The following DCX variants were observed in gnomAD, a reference collection of about 807,000 sequenced individuals.
DCX encodes neuronal migration protein doublecortin.
Under a neutral mutation model 20.9 loss-of-function variants are expected in DCX, and 4 were observed. The observed-to-expected ratio is 0.19, with a 90% CI of 0.09 to 0.44. DCX has a LOEUF of 0.44. Among genes scored for constraint, DCX ranks in the 20% least tolerant of loss-of-function variants. The pLI, the probability that DCX is intolerant of heterozygous loss-of-function variation, is 0.99. For synonymous variants in DCX, 103 were observed against 111.4 expected (o/e 0.92, Z 0.47); for missense variants, 133 against 296.9 (o/e 0.45, Z 4.06).
intron 3 of DCX, among the ~76,000 whole-genome samples, chrX:111,336,087 C>T (rs1921706415): frequency 8.9e-6 from 1 of 112,214 alleles, no homozygotes. Flanking sequence ...GCAAAGTCAC[C>T]AGAGCATTCA....
rs2095026405 is a variant in DCX, at chrX:111,298,452, A to T, written c.*3235T>A. On this transcript the variant is annotated 3_prime_UTR_variant, in exon 7 of 7. Coordinates refer to ENST00000636035, the MANE Select transcript of DCX (RefSeq NM_001195553.2). ...TTCCCACTGAGATCAGGGCAGCAGCATGTGGCTCCAAGATGCAACATGACC... is the reference window on the plus strand; with the variant it reads ...TTCCCACTGAGATCAGGGCAGCAGCTTGTGGCTCCAAGATGCAACATGACC... 1 of 112,025 alleles carries T rather than the reference A, an allele frequency of 8.9e-6. No homozygotes were observed. The highest frequency in any genetic ancestry group is 1.9e-5 in the Non-Finnish European group (1 of 53,163). The allele number at this position is 112,025 out of a possible 1,213,427, so 9.2% of individuals were successfully genotyped here.
chrX:111,353,971 C>G (rs1464305902), intron 3 of DCX, among the ~76,000 whole-genome samples: 1 of 112,050 alleles, frequency 8.9e-6, no homozygotes, highest in Non-Finnish European at 1.9e-5. Flanking sequence ...ATACCAGTTA[C>G]TTTTTGAGCC....
chrX:111,347,225 T>C (rs1267209758), intron 3 of DCX, among the ~76,000 whole-genome samples: 2 of 112,369 alleles, frequency 1.8e-5, no homozygotes, highest in African/African-American at 3.2e-5. Context: ...GGACTACTAG[T>C]GATCACTGTC....
At chrX:111,327,951 T>G (rs2095103404) in intron 5 of DCX, among the ~76,000 whole-genome samples, 1 of 112,579 alleles carries the variant, frequency 8.9e-6, no homozygotes, top group Non-Finnish European at 1.9e-5. Flanking sequence ...TATAGACACA[T>G]TATCTGAGAT....
chrX:111,328,080 T>C (rs2095103624), intron 5 of DCX, among the ~76,000 whole-genome samples: 1 of 112,390 alleles, frequency 8.9e-6, no homozygotes, highest in African/African-American at 3.2e-5. Context: ...GAGAACACCA[T>C]GTTAGATTGG....
At chrX:111,404,113 A>G (rs1417207596) in intron 2 of DCX, among the ~76,000 whole-genome samples, 1 of 100,067 alleles carries the variant, frequency 1.0e-5, no homozygotes, top group African/African-American at 3.4e-5. Flanking sequence ...CAGAGCCTGG[A>G]ACATAGTAAG....
At chrX:111,386,157 T>C (rs990837577) in intron 3 of DCX, among the ~76,000 whole-genome samples, 4 of 110,880 alleles carry the variant, frequency 3.6e-5, no homozygotes, top group East Asian at 2.9e-4. Context: ...TGGGAACCTA[T>C]TGATTGATTT....
chrX:111,328,532 T>C (rs1305940661), intron 5 of DCX, among the ~76,000 whole-genome samples: 1 of 111,785 alleles, frequency 8.9e-6, no homozygotes, highest in Non-Finnish European at 1.9e-5. Flanking sequence ...TGATACCACC[T>C]GAGAATTTCT....
intron 3 of DCX, among the ~76,000 whole-genome samples, chrX:111,354,726 C>T (rs1437535888): frequency 6.2e-5 from 7 of 112,413 alleles, no homozygotes; most frequent in African/African-American, 1.3e-4. Context: ...ACGAGCTCAA[C>T]TCAAAGCTTT....
intron 3 of DCX, among the ~76,000 whole-genome samples, chrX:111,398,752 CA>C (rs781630398): frequency 9.6e-4 from 107 of 111,645 alleles, no homozygotes; most frequent in Admixed American, 1.3e-3. Flanking sequence ...GGAACAAAAG[CA>C]GAATGCCAAG....
At chrX:111,364,082 G>A (rs1924421723) in intron 3 of DCX, among the ~76,000 whole-genome samples, 2 of 112,005 alleles carry the variant, frequency 1.8e-5, no homozygotes, top group South Asian at 7.5e-4. Flanking sequence ...AATAGGGCTG[G>A]CTAATTTGTT....
chrX:111,356,396 C>G (rs980774605), intron 3 of DCX, among the ~76,000 whole-genome samples: 10 of 112,823 alleles, frequency 8.9e-5, no homozygotes, highest in African/African-American at 3.2e-4. Flanking sequence ...CACAGCAGAC[C>G]AATCTGCTGT....
chrX:111,353,835 A>C (rs1923517352), intron 3 of DCX, among the ~76,000 whole-genome samples: 1 of 111,661 alleles, frequency 9.0e-6, no homozygotes, highest in Admixed American at 9.5e-5. Flanking sequence ...TTCTCATTTG[A>C]GTCACTTCTG....
chrX:111,308,328 G>T (rs946809891), intron 6 of DCX, among the ~76,000 whole-genome samples: 10 of 111,991 alleles, frequency 8.9e-5, no homozygotes, highest in African/African-American at 2.6e-4. Flanking sequence ...AGTCAGGGAG[G>T]AGTTTTGAGA....
chrX:111,370,280 T>C (rs1040861795), intron 3 of DCX, among the ~76,000 whole-genome samples: 2 of 111,396 alleles, frequency 1.8e-5, no homozygotes, highest in Admixed American at 9.6e-5. Context: ...AACTCTGAGA[T>C]AGGCATGATT....
chrX:111,308,140 C>T (rs951820233), intron 6 of DCX, among the ~76,000 whole-genome samples: 23 of 112,459 alleles, frequency 2.0e-4, no homozygotes, highest in Non-Finnish European at 1.1e-4. Context: ...TGTAGAAATA[C>T]AGAAACACAC....
intron 5 of DCX, among the ~76,000 whole-genome samples, chrX:111,328,708 T>A (rs997489544): frequency 9.0e-6 from 1 of 111,705 alleles, no homozygotes; most frequent in Non-Finnish European, 1.9e-5. Flanking sequence ...CTATGGAGAC[T>A]AGATCACAAA....
intron 3 of DCX, among the ~76,000 whole-genome samples, chrX:111,360,501 G>C (rs1234154649): frequency 9.0e-6 from 1 of 111,448 alleles, no homozygotes; most frequent in Non-Finnish European, 1.9e-5. Flanking sequence ...CAAAAAAATA[G>C]AAAGAATGAA....
chrX:111,365,823 G>A (rs1467208770), intron 3 of DCX, among the ~76,000 whole-genome samples: 1 of 111,611 alleles, frequency 9.0e-6, no homozygotes, highest in East Asian at 2.8e-4. Flanking sequence ...TCTATAATTT[G>A]TATCTTGCTT....
Sources: gnomAD v4.1 joint callset for allele counts (sites outside exome capture counted in the v4.1 genomes callset) on GRCh38, gnomAD v4.1.1 for gene constraint, MANE v1.5 for transcripts, NCBI Gene and HGNC (gene_info 2026-07-23, HGNC 2026-07-21) for gene names.